PTH2R: variants seen among roughly 807,000 people sequenced by gnomAD.
The protein encoded by PTH2R is PTH2 receptor.
Under a neutral mutation model 60.3 loss-of-function variants are expected in PTH2R, and 59 were observed. The ratio of observed to expected loss-of-function variants is 0.98; its 90% CI spans 0.79 to 1.22. PTH2R has a LOEUF of 1.22. PTH2R is among the 50% of genes most tolerant of loss of function. The pLI, the probability that PTH2R is intolerant of heterozygous loss-of-function variation, is 0.00. For missense variants in PTH2R, 749 were observed against 682.6 expected (o/e 1.10, Z -1.08); for synonymous variants, 256 against 243.8 (o/e 1.05, Z -0.47).
At chr2:208,385,321 C>T (rs955738153) in intron 1 of PTH2R, among the ~76,000 whole-genome samples, 6 of 152,130 alleles carry the variant, frequency 3.9e-5, no homozygotes, top group Non-Finnish European at 8.8e-5. Context: ...TCAAAAAGTT[C>T]CCTTCACTAA....
At chr2:208,389,319 A>G (rs1701064544) in intron 1 of PTH2R, among the ~76,000 whole-genome samples, 1 of 151,430 alleles carries the variant, frequency 6.6e-6, no homozygotes, top group Non-Finnish European at 1.5e-5. Context: ...GTGCAGCTCT[A>G]TGGCTTTATA....
chr2:208,491,848 T>C (rs886426427), intron 12 of PTH2R, among the ~76,000 whole-genome samples: 2 of 152,198 alleles, frequency 1.3e-5, no homozygotes, highest in Non-Finnish European at 2.9e-5. Context: ...CAGTGTTTTA[T>C]ACTGTCTGCT....
chr2:208,477,946 G>GTACTAGCACTACTAGTACTAGTAC (rs1703051129), intron 9 of PTH2R, among the ~76,000 whole-genome samples: 1 of 144,388 alleles, frequency 6.9e-6, no homozygotes, highest in South Asian at 2.1e-4. Context: ...ACTACTAGTA[G>GTACTAGCACTACTAGTACTAGTAC]TACTAGCACT....
intron 1 of PTH2R, among the ~76,000 whole-genome samples, chr2:208,396,676 G>A (rs1188423699): frequency 6.6e-6 from 1 of 152,168 alleles, no homozygotes; most frequent in Non-Finnish European, 1.5e-5. Context: ...GAGAGGATGT[G>A]GAGAAATAGG....
intron 10 of PTH2R, 140 bp from the exon 11 acceptor site, chr2:208,488,872 C>A (rs1409198292): frequency 2.3e-6 from 2 of 859,132 alleles, no homozygotes; most frequent in Non-Finnish European, 3.5e-6. Flanking sequence ...TAGAGTGAAA[C>A]CCTGTCTCAA....
rs143844083 is a variant in PTH2R at position 208,487,929 on chromosome 2, T to C, written c.1077-1083T>C. On this transcript the variant is annotated intron_variant, in intron 10 of 12. Transcript: ENST00000272847. ...AGATGAAAGTTACAGCCTTATGCAATGTAATCTCAGAAGTGGGATGCTGTC... is the reference window on the plus strand; with the variant it reads ...AGATGAAAGTTACAGCCTTATGCAACGTAATCTCAGAAGTGGGATGCTGTC... Among the ~76,000 whole-genome samples, 370 of 152,268 alleles carry C rather than the reference T, an allele frequency of 2.4e-3. 1 individual carries two copies. Among genetic ancestry groups the C allele is most frequent in the Non-Finnish European group, 4.2e-3 (289 of 68,026 alleles).
rs775875704 is a variant in PTH2R at position 208,490,635 on chromosome 2, G to A, written c.1216-4G>A. 1 of 1,609,412 alleles carries A rather than the reference G, an allele frequency of 6.2e-7. No individual in the cohort carries two copies. Among genetic ancestry groups the A allele is most frequent in the Non-Finnish European group, 8.5e-7 (1 of 1,178,952 alleles). On this transcript the variant is annotated splice_polypyrimidine_tract_variant and splice_region_variant and intron_variant, in intron 11 of 12. Transcript: ENST00000272847. ...AGTGGGCTGACTTTCTCTTTTGTCTGCAGGGTTTCTTTGTGTCTATCATCT... is the reference window on the plus strand; with the variant it reads ...AGTGGGCTGACTTTCTCTTTTGTCTACAGGGTTTCTTTGTGTCTATCATCT...
chr2:208,483,519 G>C (rs1342681863), intron 10 of PTH2R, among the ~76,000 whole-genome samples: 2 of 152,068 alleles, frequency 1.3e-5, no homozygotes, highest in Non-Finnish European at 2.9e-5. Context: ...GGGAACAAAG[G>C]GTGGCCTATC....
At chr2:208,483,257 A>G (rs1703198478) in intron 10 of PTH2R, among the ~76,000 whole-genome samples, 1 of 152,198 alleles carries the variant, frequency 6.6e-6, no homozygotes, top group African/African-American at 2.4e-5. Flanking sequence ...GTTTATGGTG[A>G]AAGGTCTATG....
At chr2:208,389,267 C>CACACACACACA (rs995440791) in intron 1 of PTH2R, among the ~76,000 whole-genome samples, 2 of 144,572 alleles carry the variant, frequency 1.4e-5, no homozygotes, top group African/African-American at 5.1e-5. Context: ...CACACACACA[C>CACACACACACA]AATCTATTGA....
intron 9 of PTH2R, among the ~76,000 whole-genome samples, chr2:208,478,339 G>T (rs1056892441): frequency 3.3e-5 from 5 of 152,078 alleles, no homozygotes; most frequent in Non-Finnish European, 7.4e-5. Context: ...TGTGTCAGCA[G>T]GGCTGCCTTC....
At chr2:208,392,097 G>A (rs1429430740) in intron 1 of PTH2R, among the ~76,000 whole-genome samples, 1 of 152,202 alleles carries the variant, frequency 6.6e-6, no homozygotes. Flanking sequence ...TGAGAGTCGG[G>A]ATGTAACAGT....
intron 1 of PTH2R, among the ~76,000 whole-genome samples, chr2:208,396,792 G>C (rs556163028): frequency 1.3e-5 from 2 of 152,034 alleles, no homozygotes; most frequent in Admixed American, 6.6e-5. Context: ...TTGACCCAGC[G>C]ATCCCATTAC....
intron 1 of PTH2R, among the ~76,000 whole-genome samples, chr2:208,414,456 T>C (rs1012490359): frequency 6.6e-6 from 1 of 152,200 alleles, no homozygotes; most frequent in African/African-American, 2.4e-5. Flanking sequence ...ACATTCCTCA[T>C]AGTATTCCCC....
intron 10 of PTH2R, among the ~76,000 whole-genome samples, chr2:208,484,649 T>C (rs935391457): frequency 6.6e-6 from 1 of 152,252 alleles, no homozygotes; most frequent in African/African-American, 2.4e-5. Context: ...AATACTTGAA[T>C]GTTTTGACTA....
intron 4 of PTH2R, among the ~76,000 whole-genome samples, chr2:208,441,578 T>A (rs1033658066): frequency 2.0e-5 from 3 of 152,210 alleles, no homozygotes; most frequent in Non-Finnish European, 4.4e-5. Context: ...GATCCCATAC[T>A]GTATAATTCT....
intron 1 of PTH2R, among the ~76,000 whole-genome samples, chr2:208,397,014 G>C (rs979618284): frequency 2.0e-5 from 3 of 152,148 alleles, no homozygotes; most frequent in Non-Finnish European, 4.4e-5. Flanking sequence ...CCGGGACATG[G>C]ATGAAGCTGG....
chr2:208,399,606 C>T (rs567795995), intron 1 of PTH2R, among the ~76,000 whole-genome samples: 1 of 152,224 alleles, frequency 6.6e-6, no homozygotes, highest in East Asian at 1.9e-4. Flanking sequence ...TACATCATTG[C>T]TGGGAGAATT....
intron 1 of PTH2R, among the ~76,000 whole-genome samples, chr2:208,414,908 A>C (rs1251590783): frequency 6.6e-6 from 1 of 152,156 alleles, no homozygotes; most frequent in Non-Finnish European, 1.5e-5. Context: ...AACCATAAAA[A>C]AAAACCCAGC....
Sources: gnomAD v4.1 joint callset for allele counts (sites outside exome capture counted in the v4.1 genomes callset) on GRCh38, gnomAD v4.1.1 for gene constraint, MANE v1.5 for transcripts, NCBI Gene and HGNC (gene_info 2026-07-23, HGNC 2026-07-21) for gene names.